The following NEGR1 variants were observed in gnomAD, a reference collection of about 807,000 sequenced individuals.
The protein encoded by NEGR1 is neuronal growth regulator 1.
Under a neutral mutation model 40.9 loss-of-function variants are expected in NEGR1, and 10 were observed. The observed-to-expected ratio is 0.24, with a 90% CI of 0.15 to 0.42. NEGR1 has a LOEUF of 0.42. Ranked by LOEUF, NEGR1 falls within the 10% of genes least tolerant of loss-of-function variation. NEGR1 has a pLI of 1.00. For synonymous variants in NEGR1, 185 were observed against 166.8 expected (o/e 1.11, Z -0.84); for missense variants, 352 against 438.9 (o/e 0.80, Z 1.77).
intron 4 of NEGR1, among the ~76,000 whole-genome samples, chr1:71,620,854 C>T (rs931412054): frequency 2.0e-5 from 3 of 151,904 alleles, no homozygotes; most frequent in Admixed American, 6.6e-5. Flanking sequence ...GTGCAACAAA[C>T]GTAGCTCTAA....
At chr1:71,924,424 C>G (rs1348356845) in intron 2 of NEGR1, among the ~76,000 whole-genome samples, 1 of 152,166 alleles carries the variant, frequency 6.6e-6, no homozygotes, top group Non-Finnish European at 1.5e-5. Context: ...AAATGAACAA[C>G]TCCTAAGCAG....
At chr1:71,850,520 T>C (rs1405054390) in intron 2 of NEGR1, among the ~76,000 whole-genome samples, 1 of 152,144 alleles carries the variant, frequency 6.6e-6, no homozygotes, top group African/African-American at 2.4e-5. Context: ...CACGGCCCTT[T>C]TGGAACATTT....
intron 2 of NEGR1, among the ~76,000 whole-genome samples, chr1:71,840,719 T>C (rs1659207146): frequency 6.6e-6 from 1 of 152,172 alleles, no homozygotes; most frequent in South Asian, 2.1e-4. Flanking sequence ...TCATGATTAA[T>C]TTTATGAGTC....
chr1:72,282,309 T>G lies in NEGR1; in HGVS notation c.176+10A>C. 1.2e-6 allele frequency: 2 copies of G among 1,613,470 alleles called. No individual in the cohort carries two copies. The highest frequency in any genetic ancestry group is 1.7e-6 in the Non-Finnish European group (2 of 1,179,546). On this transcript the variant is annotated intron_variant, in intron 1 of 6. Transcript: ENST00000357731. ...CGAAACAAGTACGAAAAGCACGCCGTTCTTCCTACCTAAGCACCGCCGTGT... is the reference window on the plus strand; with the variant it reads ...CGAAACAAGTACGAAAAGCACGCCGGTCTTCCTACCTAAGCACCGCCGTGT...
chr1:71,801,290 T>C (rs1657546598), intron 2 of NEGR1, among the ~76,000 whole-genome samples: 1 of 152,124 alleles, frequency 6.6e-6, no homozygotes, highest in South Asian at 2.1e-4. Flanking sequence ...TTGTTGGACC[T>C]CCTTTTATCT....
chr1:72,143,855 T>C (rs1650777595), intron 1 of NEGR1, among the ~76,000 whole-genome samples: 1 of 145,352 alleles, frequency 6.9e-6, no homozygotes, highest in South Asian at 2.1e-4. Flanking sequence ...AGAAGATGGT[T>C]CTAAATATAT....
intron 1 of NEGR1, among the ~76,000 whole-genome samples, chr1:71,973,695 A>G (rs1197844832): frequency 6.6e-6 from 1 of 152,172 alleles, no homozygotes; most frequent in Non-Finnish European, 1.5e-5. Context: ...TAAAAACCAG[A>G]TACTAAATTT....
intron 1 of NEGR1, among the ~76,000 whole-genome samples, chr1:71,979,757 G>A (rs1490214993): frequency 6.6e-6 from 1 of 152,076 alleles, no homozygotes; most frequent in Non-Finnish European, 1.5e-5. Context: ...GTCAATCTGA[G>A]CCACTGAAAT....
intron 4 of NEGR1, among the ~76,000 whole-genome samples, chr1:71,646,794 C>A (rs1013115263): frequency 5.3e-5 from 8 of 151,700 alleles, no homozygotes; most frequent in African/African-American, 1.9e-4. Context: ...TCTTCAGGGA[C>A]TTTACAAGAG....
In NEGR1 at chr1:71,929,662, A is replaced by G. The variant is rs182101560; in HGVS notation, c.409+5417T>C. Among the ~76,000 whole-genome samples the G allele has an allele frequency of 1.9e-4, 28 of 150,198 alleles. 1 individual carries two copies. Among genetic ancestry groups the G allele is most frequent in the Admixed American group, 1.6e-3 (24 of 15,094 alleles). ...ACTTGTTGAAAATTTTGAAATTTTC[A>G]CTGTTGCAGCACAATGGCTTGAATT... On this transcript the variant is annotated intron_variant, in intron 2 of 6. Transcript: ENST00000357731.
chr1:71,866,965 A>G (rs990530999), intron 2 of NEGR1, among the ~76,000 whole-genome samples: 1 of 152,236 alleles, frequency 6.6e-6, no homozygotes, highest in African/African-American at 2.4e-5. Flanking sequence ...ATTAAATGCA[A>G]CAGTGTAGAA....
chr1:71,624,784 G>A lies in NEGR1; in HGVS notation c.668-13638C>T, dbSNP rs1024191860. Among the ~76,000 whole-genome samples the A allele has an allele frequency of 2.0e-5, 3 of 151,776 alleles. No homozygotes were observed. In the East Asian group the frequency reaches 5.9e-4, roughly 30 times the overall value. ...GCTCCCTGACCTCCTATATAAAATG[G>A]CAATCCTACCCCCTTACTCTCAAAT... On this transcript the variant is annotated intron_variant, in intron 4 of 6. Transcript: ENST00000357731.
At chr1:71,984,960 C>A (rs2100345992) in intron 1 of NEGR1, among the ~76,000 whole-genome samples, 1 of 152,214 alleles carries the variant, frequency 6.6e-6, no homozygotes, top group East Asian at 1.9e-4. Context: ...ATTCTCCTAA[C>A]AACCATAGGA....
intron 6 of NEGR1, among the ~76,000 whole-genome samples, chr1:71,479,857 T>C (rs555856968): frequency 3.3e-5 from 5 of 152,104 alleles, no homozygotes; most frequent in African/African-American, 1.2e-4. Flanking sequence ...TTGTTGCTTA[T>C]TAAAGTTTCT....
chr1:72,144,436 A>G (rs1396090582), intron 1 of NEGR1, among the ~76,000 whole-genome samples: 2 of 106,926 alleles, frequency 1.9e-5, no homozygotes, highest in Admixed American at 9.0e-5. Context: ...ACACTGTTAA[A>G]AACAGATAAC....
chr1:72,099,071 TTTA>T (rs1648829393), intron 1 of NEGR1, among the ~76,000 whole-genome samples: 2 of 151,906 alleles, frequency 1.3e-5, no homozygotes, highest in South Asian at 4.1e-4. Flanking sequence ...ATAATCAAAT[TTTA>T]TTAACATTTA....
At chr1:71,574,513 A>G (rs1648901837) in intron 6 of NEGR1, among the ~76,000 whole-genome samples, 1 of 152,162 alleles carries the variant, frequency 6.6e-6, no homozygotes, top group Non-Finnish European at 1.5e-5. Context: ...TATGCCAAAG[A>G]ATAGTTACTA....
At position 71,783,837 on chromosome 1, in the gene NEGR1, C is replaced by CCAGTCCAT. The variant is rs1553165040; in HGVS notation, c.410-7541_410-7540insATGGACTG. 6.8e-4 allele frequency among the ~76,000 whole-genome samples: 93 copies of CCAGTCCAT among 136,950 alleles called. 1 individual carries two copies. Among genetic ancestry groups the CCAGTCCAT allele is most frequent in the South Asian group, 1.6e-3 (7 of 4,340 alleles). 89.8% of individuals were successfully genotyped at this position (136,950 alleles called of 152,430 possible). A position where few individuals can be genotyped will look rare whatever the true frequency, so the allele number is the denominator to read the frequency against. ...TGAACTGTTTTAATTCATCCATCCA[C>CCAGTCCAT]CCGTCCATCCATCCATCCATCCATC... On this transcript the variant is annotated intron_variant, in intron 2 of 6. Coordinates refer to ENST00000357731, the MANE Select transcript of NEGR1 (RefSeq NM_173808.3).
At chr1:71,520,704 T>A (rs1031707289) in intron 6 of NEGR1, among the ~76,000 whole-genome samples, 2 of 152,038 alleles carry the variant, frequency 1.3e-5, no homozygotes, top group Non-Finnish European at 2.9e-5. Flanking sequence ...TGCACTACCC[T>A]ACTGTGAAGC....
Sources: allele counts gnomAD v4.1 joint callset (sites outside exome capture counted in the v4.1 genomes callset), GRCh38; gene constraint gnomAD v4.1.1; transcripts MANE v1.5; gene names NCBI Gene and HGNC (gene_info 2026-07-23, HGNC 2026-07-21).